The following MED12L variants were observed in gnomAD, a reference collection of about 807,000 sequenced individuals.
MED12L encodes the protein mediator of RNA polymerase II transcription subunit 12-like protein.
A neutral mutation model predicts 281.3 loss-of-function variants in MED12L; 60 were observed. The ratio of observed to expected loss-of-function variants is 0.21; its 90% CI spans 0.17 to 0.26. The LOEUF (loss-of-function observed/expected upper bound fraction) is 0.26, where lower values mean the gene tolerates loss of function less well. Among genes scored for constraint, MED12L ranks in the 10% least tolerant of loss-of-function variants. MED12L has a pLI of 1.00. For synonymous variants in MED12L, 974 were observed against 987.2 expected, an observed-to-expected ratio of 0.99 and a Z score of 0.25; for missense variants, 2,146 against 2,680.9, an observed-to-expected ratio of 0.80 and a Z score of 4.41.
intron 5 of MED12L, among the ~76,000 whole-genome samples, chr3:151,145,410 A>G (rs556047816): frequency 6.6e-6 from 1 of 152,332 alleles, no homozygotes; most frequent in Admixed American, 6.5e-5. Context: ...AATGTTCGCT[A>G]CATTTGCATC....
intron 5 of MED12L, among the ~76,000 whole-genome samples, chr3:151,134,668 A>C (rs1184784244): frequency 6.6e-6 from 1 of 152,226 alleles, no homozygotes; most frequent in African/African-American, 2.4e-5. Flanking sequence ...AGATTCACAG[A>C]GGAAGTGACT....
intron 14 of MED12L, among the ~76,000 whole-genome samples, chr3:151,191,972 C>T (rs1724047617): frequency 6.6e-6 from 1 of 151,496 alleles, no homozygotes; most frequent in Non-Finnish European, 1.5e-5. Flanking sequence ...TTTTTTAAAA[C>T]AGTAGCTATA....
intron 13 of MED12L, among the ~76,000 whole-genome samples, 194 bp from the exon 14 acceptor site, chr3:151,190,523 C>A (rs1723834055): frequency 6.6e-6 from 1 of 152,166 alleles, no homozygotes; most frequent in African/African-American, 2.4e-5. Flanking sequence ...GGATATTTTT[C>A]AGTTATGGTG....
chr3:151,112,136 G>A (rs1462596123), intron 2 of MED12L, among the ~76,000 whole-genome samples: 2 of 152,132 alleles, frequency 1.3e-5, no homozygotes, highest in Non-Finnish European at 2.9e-5. Context: ...TGTAGCAAGA[G>A]TGTATCACAG....
chr3:151,434,846 G>T lies in MED12L; in HGVS notation c.*2042G>T, dbSNP rs1424017472. 6.6e-6 allele frequency: 1 copy of T among 152,216 alleles called. No individual in the cohort carries two copies. Among genetic ancestry groups the T allele is most frequent in the African/African-American group, 2.4e-5 (1 of 41,460 alleles). The allele number at this position is 152,216 out of a possible 1,614,324, so 9.4% of individuals were successfully genotyped here. A position where few individuals can be genotyped will look rare whatever the true frequency, so the allele number is the denominator to read the frequency against. On this transcript the variant is annotated 3_prime_UTR_variant, in exon 45 of 45. Transcript: ENST00000687756. Reference sequence around the variant, plus strand: ...TGTATGCACTTTATACTTTGCAGAGGTGAGTTAAATTATTAATCATTTTGC... The same window carrying T: ...TGTATGCACTTTATACTTTGCAGAGTTGAGTTAAATTATTAATCATTTTGC...
intron 43 of MED12L, among the ~76,000 whole-genome samples, chr3:151,417,190 G>A (rs373663444): frequency 2.8e-4 from 42 of 152,296 alleles, no homozygotes; most frequent in African/African-American, 8.9e-4. Flanking sequence ...TTGCATGAAT[G>A]AGCCCTACCT....
intron 8 of MED12L, among the ~76,000 whole-genome samples, chr3:151,162,411 T>A (rs1375662118): frequency 1.3e-5 from 2 of 152,150 alleles, no homozygotes; most frequent in Admixed American, 6.5e-5. Context: ...TTATTTTTTT[T>A]AAATTGATTG....
intron 16 of MED12L, among the ~76,000 whole-genome samples, chr3:151,349,053 AG>A (rs1337475972): frequency 1.3e-5 from 2 of 152,236 alleles, no homozygotes; most frequent in African/African-American, 2.4e-5. Context: ...TAAGAAAAGG[AG>A]GTTTACCAAA....
chr3:151,306,281 C>A (rs773311796), intron 16 of MED12L, among the ~76,000 whole-genome samples: 1 of 152,094 alleles, frequency 6.6e-6, no homozygotes, highest in Admixed American at 6.5e-5. Context: ...TCTTAGCAAC[C>A]CAGAAAAAAG....
At position 151,390,120 on chromosome 3, in the gene MED12L, C is replaced by T. The variant is rs2108220390; in HGVS notation, c.5593C>T (p.Gln1865Ter). Residue 1865 changes from glutamine (Q) to a stop codon, truncating the protein, a stop_gained, in exon 38 of 45, where the codon CAA becomes TAA. Coordinates refer to ENST00000687756, the MANE Select transcript of MED12L (RefSeq NM_001393769.1). LOFTEE classifies it high-confidence loss of function. Reference protein sequence around the residue: ...PQQPGFFLQNQSLTPGGSRLD... With the variant: ...PQQPGFFLQN ...GCAGCCCGGCTTTTTCCTTCAGAAC[C>T]AATCTCTTACTCCAGGTATGTGATG... is the stretch of plus-strand genomic sequence containing the variant. 6.2e-7 allele frequency: 1 copy of T among 1,614,044 alleles called. No homozygotes were observed. The highest frequency in any genetic ancestry group is 8.5e-7 in the Non-Finnish European group (1 of 1,179,934).
intron 2 of MED12L, among the ~76,000 whole-genome samples, chr3:151,101,092 G>A (rs1721330962): frequency 1.3e-5 from 2 of 152,220 alleles, no homozygotes; most frequent in Non-Finnish European, 2.9e-5. Flanking sequence ...CACATTTTAT[G>A]TTGAGGACCA....
At chr3:151,195,286 A>G (rs745686132) in intron 16 of MED12L, among the ~76,000 whole-genome samples, 17 of 152,166 alleles carry the variant, frequency 1.1e-4, no homozygotes, top group African/African-American at 3.9e-4. Flanking sequence ...GTATTTTGGA[A>G]TATCTCCTGA....
intron 44 of MED12L, among the ~76,000 whole-genome samples, chr3:151,431,766 T>C (rs937278004): frequency 2.6e-5 from 4 of 152,338 alleles, no homozygotes; most frequent in Middle Eastern, 3.4e-3. Flanking sequence ...AGCTTTTTGT[T>C]AAAGCCATCA....
chr3:151,285,139 T>G (rs1559982069), intron 16 of MED12L, among the ~76,000 whole-genome samples: 2 of 152,200 alleles, frequency 1.3e-5, no homozygotes, highest in African/African-American at 4.8e-5. Context: ...CAAGCATATG[T>G]TCTCACTTAT....
chr3:151,120,641 G>A (rs1713618639), intron 3 of MED12L, among the ~76,000 whole-genome samples: 1 of 152,198 alleles, frequency 6.6e-6, no homozygotes, highest in African/African-American at 2.4e-5. Context: ...TAATAGATGT[G>A]TGTTTACTCA....
intron 43 of MED12L, among the ~76,000 whole-genome samples, chr3:151,419,096 C>T (rs1224833442): frequency 6.6e-6 from 1 of 152,102 alleles, no homozygotes; most frequent in Non-Finnish European, 1.5e-5. Context: ...CCACTGTTGC[C>T]CTATTGTACT....
chr3:151,410,554 C>G (rs1716822814), intron 40 of MED12L, among the ~76,000 whole-genome samples: 2 of 152,138 alleles, frequency 1.3e-5, no homozygotes. Flanking sequence ...TAAATTGTAC[C>G]TAGTGATCCA....
chr3:151,309,030 C>G (rs909113387), intron 16 of MED12L, among the ~76,000 whole-genome samples: 13 of 151,974 alleles, frequency 8.6e-5, no homozygotes, highest in Non-Finnish European at 1.5e-4. Context: ...TCATTTTTCT[C>G]TTCTCATGAA....
At chr3:151,393,781 C>A (rs1318263961) in intron 38 of MED12L, among the ~76,000 whole-genome samples, 2 of 152,128 alleles carry the variant, frequency 1.3e-5, no homozygotes, top group African/African-American at 4.8e-5. Flanking sequence ...GATTGTGGCA[C>A]TGAGTCTTTA....
Sources: allele counts gnomAD v4.1 joint callset (sites outside exome capture counted in the v4.1 genomes callset), GRCh38; gene constraint gnomAD v4.1.1; transcripts MANE v1.5; gene names NCBI Gene and HGNC (gene_info 2026-07-23, HGNC 2026-07-21).